The following CFAP61 variants were observed in gnomAD, a reference collection of about 807,000 sequenced individuals.
CFAP61 encodes cilia- and flagella-associated protein 61.
Under a neutral mutation model 135.6 loss-of-function variants are expected in CFAP61, and 107 were observed. The observed-to-expected ratio is 0.79, with a 90% CI of 0.67 to 0.93. CFAP61 has a LOEUF of 0.93. Ranked by LOEUF, CFAP61 falls within the 40% of genes least tolerant of loss-of-function variation. The pLI is 0.00. For missense variants in CFAP61, 1,507 were observed against 1,556.2 expected, an observed-to-expected ratio of 0.97 and a Z score of 0.53; for synonymous variants, 575 against 578.5, an observed-to-expected ratio of 0.99 and a Z score of 0.09.
chr20:20,188,748 T>G (rs2055694994), intron 14 of CFAP61, among the ~76,000 whole-genome samples: 1 of 152,220 alleles, frequency 6.6e-6, no homozygotes, highest in Admixed American at 6.5e-5. Flanking sequence ...GAAAAAAAAT[T>G]TATTGAGGTA....
At chr20:20,252,162 T>C (rs144379035) in intron 20 of CFAP61, among the ~76,000 whole-genome samples, 79 of 152,334 alleles carry the variant, frequency 5.2e-4, no homozygotes, top group African/African-American at 1.8e-3. Flanking sequence ...CGCAAAAGTA[T>C]TGCAAACACG....
At chr20:20,150,178 C>T (rs575600115) in intron 9 of CFAP61, among the ~76,000 whole-genome samples, 4 of 151,614 alleles carry the variant, frequency 2.6e-5, no homozygotes, top group Non-Finnish European at 5.9e-5. Flanking sequence ...CCCACCACCC[C>T]CCTACACTCC....
intron 8 of CFAP61, among the ~76,000 whole-genome samples, chr20:20,118,301 C>CTTTCT (rs1555873010): frequency 2.7e-4 from 29 of 108,018 alleles, no homozygotes; most frequent in African/African-American, 8.5e-4. Context: ...TTCTTTCTTT[C>CTTTCT]TTTCTTTTCT....
At chr20:20,324,850 T>G in intron 25 of CFAP61, among the ~76,000 whole-genome samples, 1 of 152,220 alleles carries the variant, frequency 6.6e-6, no homozygotes, top group East Asian at 1.9e-4. Flanking sequence ...TATTTATTCT[T>G]CTGTGAATTG....
intron 20 of CFAP61, among the ~76,000 whole-genome samples, chr20:20,259,245 CTTTTTTTTT>C (rs3060665): frequency 1.4e-4 from 11 of 75,944 alleles, no homozygotes; most frequent in Non-Finnish European, 2.1e-4. Flanking sequence ...GCCCTTCCAT[CTTTTTTTTT>C]TTTTTTTTTT....
At chr20:20,342,330 T>C (rs973309444) in intron 26 of CFAP61, among the ~76,000 whole-genome samples, 2 of 152,192 alleles carry the variant, frequency 1.3e-5, no homozygotes, top group Admixed American at 6.5e-5. Flanking sequence ...AGCCATCCAG[T>C]GTGCCTCAAA....
chr20:20,057,716 A>G (rs556696034), intron 2 of CFAP61, among the ~76,000 whole-genome samples: 1 of 152,116 alleles, frequency 6.6e-6, no homozygotes, highest in Admixed American at 6.6e-5. Flanking sequence ...TTCATTATTT[A>G]ATTAATTTAT....
Position 20,296,073 on chromosome 20 carries a change from CCTCCTTTTCTTCCTTCT to C in CFAP61, c.3217-2107_3217-2091del, listed in dbSNP as rs1225139859. Among the ~76,000 whole-genome samples, 18 of 33,812 alleles carry C rather than the reference CCTCCTTTTCTTCCTTCT, an allele frequency of 5.3e-4. 1 individual carries two copies. Among genetic ancestry groups the C allele is most frequent in the Non-Finnish European group, 9.2e-4 (14 of 15,238 alleles). 22.2% of individuals were successfully genotyped at this position (33,812 alleles called of 152,430 possible). A position where few individuals can be genotyped will look rare whatever the true frequency, so the allele number is the denominator to read the frequency against. The stretch of plus-strand genomic sequence containing the variant: ...TTCCTTCCCTTCCTTCCCTTCCTTC[CCTCCTTTTCTTCCTTCT>C]TTCCTTCCTTCCTTCCCTCCCTCCT... On this transcript the variant is annotated intron_variant, in intron 24 of 26. Coordinates refer to ENST00000245957, the MANE Select transcript of CFAP61 (RefSeq NM_015585.4).
intron 24 of CFAP61, among the ~76,000 whole-genome samples, chr20:20,297,940 T>G (rs1298961305): frequency 1.3e-5 from 2 of 152,190 alleles, no homozygotes; most frequent in Non-Finnish European, 2.9e-5. Context: ...GCAACTAGTT[T>G]AGAAACACAG....
chr20:20,089,385 T>TC (rs1257106468), intron 6 of CFAP61, among the ~76,000 whole-genome samples: 3 of 149,960 alleles, frequency 2.0e-5, no homozygotes, highest in African/African-American at 7.6e-5. Flanking sequence ...AGCCCTGAGC[T>TC]TTATATATAT....
intron 17 of CFAP61, among the ~76,000 whole-genome samples, chr20:20,217,309 G>A (rs2048103603): frequency 6.6e-6 from 1 of 152,230 alleles, no homozygotes; most frequent in Non-Finnish European, 1.5e-5. Context: ...GACTAAGTCA[G>A]AGATACAATT....
chr20:20,208,261 C>T (rs1328113645), intron 17 of CFAP61, among the ~76,000 whole-genome samples: 1 of 152,198 alleles, frequency 6.6e-6, no homozygotes, highest in Non-Finnish European at 1.5e-5. Context: ...TGAGTTTTCT[C>T]CTGCACCCAG....
chr20:20,307,713 C>T (rs2056561294), intron 25 of CFAP61, among the ~76,000 whole-genome samples: 2 of 152,076 alleles, frequency 1.3e-5, no homozygotes, highest in Admixed American at 1.3e-4. Context: ...TTTTCAGAGT[C>T]ATGCTCTAAG....
chr20:20,103,667 A>C (rs1388539326), intron 8 of CFAP61, among the ~76,000 whole-genome samples: 1 of 152,178 alleles, frequency 6.6e-6, no homozygotes, highest in Admixed American at 6.5e-5. Flanking sequence ...CTTTATGAAT[A>C]TTTTCCTTCA....
At chr20:20,164,275 G>C in intron 11 of CFAP61, 47 bp downstream of exon 11, 1 of 1,540,328 alleles carries the variant, frequency 6.5e-7, no homozygotes, top group Non-Finnish European at 8.8e-7. Context: ...AATCTTTTCT[G>C]GCATTGGTGG....
At chr20:20,332,051 G>A (rs2058020578) in intron 25 of CFAP61, among the ~76,000 whole-genome samples, 1 of 152,184 alleles carries the variant, frequency 6.6e-6, no homozygotes. Context: ...CAGGGCACTA[G>A]ATTTATTGTG....
At chr20:20,121,210 A>G (rs1329659274) in intron 8 of CFAP61, among the ~76,000 whole-genome samples, 1 of 149,624 alleles carries the variant, frequency 6.7e-6, no homozygotes, top group Non-Finnish European at 1.5e-5. Context: ...GGCTCAAGCA[A>G]TCCTCCCACC....
intron 12 of CFAP61, among the ~76,000 whole-genome samples, chr20:20,168,172 AG>A (rs2053968405): frequency 6.6e-6 from 1 of 152,128 alleles, no homozygotes; most frequent in Non-Finnish European, 1.5e-5. Context: ...CCTTGGCCCA[AG>A]GGATCTTCCT....
At chr20:20,245,215 G>A (rs558530580) in intron 18 of CFAP61, among the ~76,000 whole-genome samples, 8 of 152,104 alleles carry the variant, frequency 5.3e-5, no homozygotes, top group Non-Finnish European at 8.8e-5. Flanking sequence ...TTTCAGCAGC[G>A]CCCCACTCTA....
Sources: gnomAD v4.1 joint callset for allele counts (sites outside exome capture counted in the v4.1 genomes callset) on GRCh38, gnomAD v4.1.1 for gene constraint, MANE v1.5 for transcripts, NCBI Gene and HGNC (gene_info 2026-07-23, HGNC 2026-07-21) for gene names.